The following CCR3 variants were observed in gnomAD, a reference collection of about 807,000 sequenced individuals.
The protein encoded by CCR3 is C-C motif chemokine receptor 3.
For synonymous variants in CCR3, 203 were observed against 179.2 expected (o/e 1.13, Z -1.06); for missense variants, 419 against 437.5 (o/e 0.96, Z 0.38).
At chr3:46,250,783 G>A (rs991030650) in intron 1 of CCR3, among the ~76,000 whole-genome samples, 4 of 151,896 alleles carry the variant, frequency 2.6e-5, no homozygotes, top group African/African-American at 9.7e-5. Flanking sequence ...AGAAAAGAGA[G>A]AGTAGAGACA....
At chr3:46,242,980 C>CATATATATATATATATATATAT (rs758465669) in intron 1 of CCR3, among the ~76,000 whole-genome samples, 16 of 98,902 alleles carry the variant, frequency 1.6e-4, no homozygotes, top group East Asian at 5.8e-4. Flanking sequence ...TATATATATA[C>CATATATATATATATATATATAT]ACATATATAT....
intron 1 of CCR3, among the ~76,000 whole-genome samples, chr3:46,242,978 T>C (rs200633237): frequency 3.9e-4 from 32 of 81,350 alleles, no homozygotes; most frequent in African/African-American, 1.3e-3. Context: ...TATATATATA[T>C]ACACATATAT....
intron 2 of CCR3, among the ~76,000 whole-genome samples, chr3:46,212,660 T>A (rs1161703618): frequency 6.6e-6 from 1 of 151,908 alleles, no homozygotes; most frequent in African/African-American, 2.4e-5. Context: ...TTCTACAAAC[T>A]CCAACTTGAC....
chr3:46,225,838 T>C (rs1317470850), intron 2 of CCR3, among the ~76,000 whole-genome samples: 1 of 152,264 alleles, frequency 6.6e-6, no homozygotes, highest in Admixed American at 6.5e-5. Context: ...TTTGCATTTT[T>C]GAGTTACTTC....
In CCR3 at chr3:46,218,339, C is replaced by CA. The variant is rs35238937; in HGVS notation, c.-68+7443dup. The stretch of plus-strand genomic sequence containing the variant: ...AAATGGTAATTTTAAAAATTGCCAA[C>CA]AAAAAAAAAAAGTCTAGGACCAGAT... On this transcript the variant is annotated intron_variant, in intron 2 of 3. Transcript: ENST00000357422. 3.4e-4 allele frequency among the ~76,000 whole-genome samples: 48 copies of CA among 142,894 alleles called. 1 individual carries two copies. Among genetic ancestry groups the CA allele is most frequent in the South Asian group, 2.2e-3 (10 of 4,580 alleles). The allele number at this position is 142,894 out of a possible 152,430, so 93.7% of individuals were successfully genotyped here.
chr3:46,264,495 C>T lies in CCR3; in HGVS notation c.-11-653C>T. ...TTTCAAAAGTTAAATTTAAAAATCA[C>T]TACATTTGAATCTAGTGACAGGAGA... On this transcript the variant is annotated intron_variant, in intron 1 of 1. Transcript: ENST00000395940. 4 of 1,320,858 alleles carry T rather than the reference C, an allele frequency of 3.0e-6. No individual in the cohort carries two copies. The East Asian group carries it at 1.0e-4, about 34-fold the overall frequency. 81.8% of individuals were successfully genotyped at this position (1,320,858 alleles called of 1,614,324 possible).
At position 46,223,166 on chromosome 3, in the gene CCR3, A is replaced by G. The variant is rs903758001; in HGVS notation, c.-68+12259A>G. 2.0e-5 allele frequency among the ~76,000 whole-genome samples: 3 copies of G among 152,290 alleles called. No individual in the cohort carries two copies. In the South Asian group the frequency reaches 6.2e-4, roughly 32 times the overall value. The stretch of plus-strand genomic sequence containing the variant: ...CAGGAGTTCGAGACCAGCCTGGCCA[A>G]TGTGGTGAAACCCTGTCTCTACTAA... On this transcript the variant is annotated intron_variant, in intron 2 of 3. Coordinates refer to the CCR3 transcript ENST00000357422.
At chr3:46,237,416 G>C (rs1236707731) in intron 2 of CCR3, among the ~76,000 whole-genome samples, 4 of 152,124 alleles carry the variant, frequency 2.6e-5, no homozygotes, top group Admixed American at 1.3e-4. Flanking sequence ...TGTTTCCTTT[G>C]CTGTGCAGAA....
At chr3:46,261,446 A>G (rs1700524253) in intron 1 of CCR3, among the ~76,000 whole-genome samples, 1 of 152,222 alleles carries the variant, frequency 6.6e-6, no homozygotes, top group Admixed American at 6.5e-5. Flanking sequence ...CAAAGGGGAG[A>G]GGATGGTTAT....
intron 1 of CCR3, among the ~76,000 whole-genome samples, chr3:46,261,967 G>C (rs1255624666): frequency 6.6e-6 from 1 of 152,132 alleles, no homozygotes; most frequent in African/African-American, 2.4e-5. Flanking sequence ...TCCAGAAAAA[G>C]GCTCAGCGTT....
In CCR3 at chr3:46,265,875, G is replaced by T. The variant is rs776690743; in HGVS notation, c.717G>T (p.Arg239=). Reference sequence around the variant, plus strand: ...GTAAAAAAAAGTACAAGGCCATCCGGCTCATTTTTGTCATCATGGCGGTGT... The same window carrying T: ...GTAAAAAAAAGTACAAGGCCATCCGTCTCATTTTTGTCATCATGGCGGTGT... ...CPSKKKYKAI[R]LIFVIMAVFF... is the part of the protein sequence containing the mutation. The change falls in exon 2 of 2, where the codon CGG becomes CGT. Residue 239 remains arginine, a synonymous_variant. Coordinates refer to ENST00000395940, the MANE Select transcript of CCR3 (RefSeq NM_178329.3). 4.3e-6 allele frequency: 7 copies of T among 1,613,982 alleles called. No homozygotes were observed. The Admixed American group carries it at 8.3e-5, about 19-fold the overall frequency.
intron 1 of CCR3, among the ~76,000 whole-genome samples, chr3:46,244,853 G>T (rs1279797461): frequency 6.6e-6 from 1 of 152,198 alleles, no homozygotes; most frequent in African/African-American, 2.4e-5. Context: ...TACCTGGAAA[G>T]GCAGTGGCTC....
Position 46,266,128 on chromosome 3 carries a change from C to A in CCR3, c.970C>A (p.Leu324Met). The stretch of plus-strand genomic sequence containing the variant: ...CTTCCACAGGCACTTGCTCATGCAC[C>A]TGGGCAGATACATCCCATTCCTTCC... Reference protein sequence around the residue: ...HFFHRHLLMHLGRYIPFLPSE... With the variant: ...HFFHRHLLMHMGRYIPFLPSE... Residue 324 changes from leucine to methionine, a missense_variant, in exon 2 of 2, where the codon CTG becomes ATG. By Grantham distance (15) the Leu-to-Met change is conservative. Transcript: ENST00000395940. 1 of 1,614,064 alleles carries A rather than the reference C, an allele frequency of 6.2e-7. No homozygotes were observed. Among genetic ancestry groups the A allele is most frequent in the Non-Finnish European group, 8.5e-7 (1 of 1,179,974 alleles).
At chr3:46,211,267 T>C (rs1489884610) in intron 2 of CCR3, among the ~76,000 whole-genome samples, 1 of 150,576 alleles carries the variant, frequency 6.6e-6, no homozygotes, top group East Asian at 1.9e-4. Flanking sequence ...AGCATGATCA[T>C]GGCTCACTGC....
chr3:46,242,587 A>T (rs1274017160), intron 1 of CCR3, 49 bp downstream of exon 1: 2 of 152,060 alleles, frequency 1.3e-5, no homozygotes, highest in East Asian at 3.9e-4. Context: ...GGAGGGGTCC[A>T]GGCAGGTGGA....
intron 2 of CCR3, among the ~76,000 whole-genome samples, chr3:46,217,251 A>T (rs1302516644): frequency 3.3e-5 from 5 of 152,210 alleles, no homozygotes; most frequent in Non-Finnish European, 1.5e-5. Context: ...TATTAGTCCA[A>T]CAGGAAAATA....
chr3:46,242,913 T>C lies in CCR3; in HGVS notation c.-12+375T>C, dbSNP rs528471987. On this transcript the variant is annotated intron_variant, in intron 1 of 1. Transcript: ENST00000395940. ...CTTACACTTAATAGCTTGTGTTTAT[T>C]TATATTGACTTGTAAGAAATAGCAA... 1.2e-3 allele frequency among the ~76,000 whole-genome samples: 173 copies of C among 148,636 alleles called. 2 individuals are homozygous for C. Among genetic ancestry groups the C allele is most frequent in the Middle Eastern group, 3.6e-3 (1 of 280 alleles).
intron 1 of CCR3, among the ~76,000 whole-genome samples, chr3:46,260,324 A>G (rs1289003323): frequency 2.6e-5 from 4 of 152,190 alleles, no homozygotes; most frequent in Non-Finnish European, 1.5e-5. Context: ...CAGTCACCCA[A>G]AGTCTTAACT....
At chr3:46,226,396 C>T (rs186698297) in intron 2 of CCR3, among the ~76,000 whole-genome samples, 67 of 152,288 alleles carry the variant, frequency 4.4e-4, no homozygotes, top group Non-Finnish European at 7.8e-4. Context: ...AAGTCATGTA[C>T]ATACTTAGCT....
Sources: allele counts gnomAD v4.1 joint callset (sites outside exome capture counted in the v4.1 genomes callset), GRCh38; gene constraint gnomAD v4.1.1; transcripts MANE v1.5; gene names NCBI Gene and HGNC (gene_info 2026-07-23, HGNC 2026-07-21).